SLC22A15: variants seen among roughly 807,000 people sequenced by gnomAD.
SLC22A15 encodes the protein flipt 1.
A neutral mutation model predicts 62.7 loss-of-function variants in SLC22A15; 45 were observed. The ratio of observed to expected loss-of-function variants is 0.72; its 90% confidence interval spans 0.56 to 0.92. SLC22A15 has a LOEUF of 0.92. Ranked by LOEUF, SLC22A15 falls within the 40% of genes least tolerant of loss-of-function variation. The pLI, the probability that SLC22A15 is intolerant of heterozygous loss-of-function variation, is 0.00. For synonymous variants in SLC22A15, 264 were observed against 267.0 expected (o/e 0.99, Z 0.11); for missense variants, 622 against 665.6 (o/e 0.93, Z 0.72).
At chr1:116,023,470 C>T (rs180902150) in intron 4 of SLC22A15, among the ~76,000 whole-genome samples, 4 of 152,296 alleles carry the variant, frequency 2.6e-5, no homozygotes, top group African/African-American at 9.6e-5. Context: ...CCCCTAGAGA[C>T]GACCATGGTT....
At chr1:116,065,589 C>G (rs12082153) in intron 10 of SLC22A15, among the ~76,000 whole-genome samples, 3 of 151,500 alleles carry the variant, frequency 2.0e-5, no homozygotes, top group Non-Finnish European at 2.9e-5. Flanking sequence ...AGAGATTCTC[C>G]TCCTCCCTCT....
chr1:116,044,085 C>T (rs942408125), intron 8 of SLC22A15, among the ~76,000 whole-genome samples: 9 of 152,244 alleles, frequency 5.9e-5, no homozygotes, highest in East Asian at 3.9e-4. Flanking sequence ...ATAACTCTCC[C>T]GGCTTAGCCT....
intron 2 of SLC22A15, among the ~76,000 whole-genome samples, chr1:115,992,628 T>C (rs4442364): frequency 0.092 from 13,761 of 150,190 alleles, 1,476 homozygotes; most frequent in African/African-American, 0.26. Context: ...TCTTTTCTTT[T>C]TTTTTTTTTT....
At chr1:116,016,196 C>T (rs1279709214) in intron 2 of SLC22A15, among the ~76,000 whole-genome samples, 1 of 150,190 alleles carries the variant, frequency 6.7e-6, no homozygotes, top group Non-Finnish European at 1.5e-5. Flanking sequence ...TTCCCCTCCC[C>T]TCCCCTCTTC....
intron 8 of SLC22A15, among the ~76,000 whole-genome samples, chr1:116,043,074 G>A (rs1657832629): frequency 6.6e-6 from 1 of 152,114 alleles, no homozygotes; most frequent in African/African-American, 2.4e-5. Context: ...AAAACATGTG[G>A]ATTGAAGAAA....
chr1:116,050,655 A>G lies in SLC22A15; in HGVS notation c.1172-12107A>G, dbSNP rs1415796100. On this transcript the variant is annotated intron_variant, in intron 8 of 11. Transcript: ENST00000369503. Reference sequence around the variant, plus strand: ...AAAGTTGAAAGCATTCCCTCTGAGAACTGGAACAAGACAAGAATGCCCACT... The same window carrying G: ...AAAGTTGAAAGCATTCCCTCTGAGAGCTGGAACAAGACAAGAATGCCCACT... 7.2e-5 allele frequency among the ~76,000 whole-genome samples: 11 copies of G among 152,302 alleles called. No homozygotes were observed. The South Asian group carries it at 1.9e-3, about 26-fold the overall frequency.
chr1:116,038,730 T>A (rs1461668952), intron 8 of SLC22A15, among the ~76,000 whole-genome samples: 1 of 152,226 alleles, frequency 6.6e-6, no homozygotes, highest in African/African-American at 2.4e-5. Flanking sequence ...TCGTTGTAGT[T>A]TTATATTCAG....
intron 6 of SLC22A15, 30 bp downstream of exon 6, chr1:116,031,611 C>G: frequency 6.2e-7 from 1 of 1,609,790 alleles, no homozygotes; most frequent in African/African-American, 1.3e-5. Context: ...TTCTGTTGCT[C>G]TTTAACTAAG....
At chr1:115,996,561 T>G (rs1313377123) in intron 2 of SLC22A15, among the ~76,000 whole-genome samples, 1 of 152,070 alleles carries the variant, frequency 6.6e-6, no homozygotes, top group Non-Finnish European at 1.5e-5. Flanking sequence ...ATTCATTAGA[T>G]TCACATCTAA....
At chr1:115,986,830 T>G (rs1654887653) in intron 1 of SLC22A15, among the ~76,000 whole-genome samples, 1 of 152,214 alleles carries the variant, frequency 6.6e-6, no homozygotes, top group African/African-American at 2.4e-5. Context: ...AATATGATAT[T>G]AATGACTTGG....
intron 8 of SLC22A15, among the ~76,000 whole-genome samples, chr1:116,047,435 A>C (rs957146511): frequency 6.6e-6 from 1 of 152,140 alleles, no homozygotes; most frequent in African/African-American, 2.4e-5. Flanking sequence ...TCAAAAAACA[A>C]ACAAAAATCC....
intron 2 of SLC22A15, among the ~76,000 whole-genome samples, chr1:116,009,364 G>C (rs1436168028): frequency 7.1e-6 from 1 of 141,210 alleles, no homozygotes; most frequent in Non-Finnish European, 1.5e-5. Context: ...TTGTGCTTTA[G>C]AGGCCTGTCT....
At chr1:116,009,571 A>G (rs1018649222) in intron 2 of SLC22A15, among the ~76,000 whole-genome samples, 28 of 152,212 alleles carry the variant, frequency 1.8e-4, no homozygotes, top group Admixed American at 4.6e-4. Context: ...TTGAGGAACC[A>G]CTAGTCTCTG....
intron 2 of SLC22A15, chr1:116,014,149 G>A (rs1656413555): frequency 1.3e-5 from 2 of 152,350 alleles, no homozygotes; most frequent in African/African-American, 4.8e-5. Flanking sequence ...ACCCAGCCAA[G>A]AGTGTCTCTG....
intron 8 of SLC22A15, among the ~76,000 whole-genome samples, chr1:116,056,793 C>T (rs914731333): frequency 7.9e-5 from 12 of 152,146 alleles, no homozygotes; most frequent in Non-Finnish European, 1.0e-4. Flanking sequence ...CTGAGAAAAA[C>T]AAGACATGGG....
At position 116,037,339 on chromosome 1, in the gene SLC22A15, C is replaced by G; in HGVS notation, c.1122C>G (p.Cys374Trp). Residue 374 changes from cysteine (C) to tryptophan (W), a missense_variant, in exon 8 of 12, where the codon TGC becomes TGG. Coordinates refer to ENST00000369503, the MANE Select transcript of SLC22A15 (RefSeq NM_018420.3). ...AGCGAACATTATCAGCATTTCTGTG[C>G]CTAGGAGGACTGGCTTGTCTTATTG... ...GRKRTLSAFLCLGGLACLIVM... is the reference protein window; with the variant it reads ...GRKRTLSAFLWLGGLACLIVM... 6.2e-7 allele frequency: 1 copy of G among 1,613,370 alleles called. No homozygotes were observed. The highest frequency in any genetic ancestry group is 8.5e-7 in the Non-Finnish European group (1 of 1,179,482).
At chr1:116,002,605 G>A (rs1388734049) in intron 2 of SLC22A15, among the ~76,000 whole-genome samples, 5 of 151,198 alleles carry the variant, frequency 3.3e-5, no homozygotes, top group Non-Finnish European at 7.4e-5. Context: ...TCAAGCAGAA[G>A]GAGCCTTTGC....
At position 116,069,555 on chromosome 1, in the gene SLC22A15, A is replaced by G. The variant is rs1658571304; in HGVS notation, c.*2447A>G. 6.6e-6 allele frequency: 1 copy of G among 152,188 alleles called. No individual in the cohort carries two copies. The highest frequency in any genetic ancestry group is 2.4e-5 in the African/African-American group (1 of 41,454). 9.4% of individuals were successfully genotyped at this position (152,188 alleles called of 1,614,324 possible). A position where few individuals can be genotyped will look rare whatever the true frequency, so the allele number is the denominator to read the frequency against. On this transcript the variant is annotated 3_prime_UTR_variant, in exon 12 of 12. Transcript: ENST00000369503. ...AAGAAACCCCAGAGTTTCCAGGGTG[A>G]AAGTTCACATTAGCAGCTTGTCCAA... is the stretch of plus-strand genomic sequence containing the variant.
chr1:116,048,396 C>G (rs897318907), intron 8 of SLC22A15, among the ~76,000 whole-genome samples: 1 of 152,190 alleles, frequency 6.6e-6, no homozygotes, highest in African/African-American at 2.4e-5. Context: ...TCAGCAGAAA[C>G]GCTACAAGCT....
Sources: gnomAD v4.1 joint callset for allele counts (sites outside exome capture counted in the v4.1 genomes callset) on GRCh38, gnomAD v4.1.1 for gene constraint, MANE v1.5 for transcripts, NCBI Gene and HGNC (gene_info 2026-07-23, HGNC 2026-07-21) for gene names.